The following LRRK2 variants were observed in gnomAD, a reference collection of about 807,000 sequenced individuals.
LRRK2 encodes leucine rich repeat kinase 2.
LRRK2 carries 203 observed loss-of-function variants against 302.6 expected under a neutral mutation model. The observed-to-expected ratio is 0.67, with a 90% CI of 0.60 to 0.75. The LOEUF is 0.75. Ranked by LOEUF, LRRK2 falls within the 30% of genes least tolerant of loss-of-function variation. LRRK2 has a pLI of 0.00. For missense variants in LRRK2, 2,830 were observed against 2,951.0 expected (o/e 0.96, Z 0.95); for synonymous variants, 1,066 against 1,031.9 (o/e 1.03, Z -0.63).
chr12:40,338,242 C>T (rs1945933800), intron 40 of LRRK2, among the ~76,000 whole-genome samples: 1 of 152,076 alleles, frequency 6.6e-6, no homozygotes, highest in Non-Finnish European at 1.5e-5. Context: ...GAGCACAATC[C>T]TTCTGGATTG....
In LRRK2 at chr12:40,347,010, C is replaced by A. The variant is rs558077700; in HGVS notation, c.6280+87C>A. On this transcript the variant is annotated intron_variant, in intron 42 of 50. Transcript: ENST00000298910. ...TTTAATTGTAGTTGTATGCTTAATT[C>A]CTTAAACAGATGATCATTTTTTTTG... 14 of 1,043,996 alleles carry A rather than the reference C, an allele frequency of 1.3e-5. No individual in the cohort carries two copies. The South Asian group carries it at 1.9e-4, about 14-fold the overall frequency. The allele number at this position is 1,043,996 out of a possible 1,614,324, so 64.7% of individuals were successfully genotyped here. A position where few individuals can be genotyped will look rare whatever the true frequency, so the allele number is the denominator to read the frequency against.
At chr12:40,352,371 T>C (rs1946378377) in intron 44 of LRRK2, among the ~76,000 whole-genome samples, 1 of 151,980 alleles carries the variant, frequency 6.6e-6, no homozygotes, top group Non-Finnish European at 1.5e-5. Context: ...TGTTGGCAAA[T>C]ATAAGATAAG....
In LRRK2 at chr12:40,305,895, T is replaced by G. The variant is rs767484970; in HGVS notation, c.3888T>G (p.Asp1296Glu). Residue 1296 changes from aspartate (D) to glutamate (E), a missense_variant, in exon 28 of 51, where the codon GAT (aspartate) becomes GAG (glutamate). This residue lies in a region of LRRK2 where 2,121 missense variants were observed against 2,148.0 expected (regional missense o/e 0.99). Transcript: ENST00000298910. Reference sequence around the variant, plus strand: ...TGGGGAAATTAAGCAAAATATGGGATCTTCCTTTGGATGAACTGCATCTTA... The same window carrying G: ...TGGGGAAATTAAGCAAAATATGGGAGCTTCCTTTGGATGAACTGCATCTTA... ...NEMGKLSKIWDLPLDELHLNF... is the reference protein window; with the variant it reads ...NEMGKLSKIWELPLDELHLNF... 1.2e-6 allele frequency: 2 copies of G among 1,613,408 alleles called. No homozygotes were observed. Among genetic ancestry groups the G allele is most frequent in the East Asian group, 2.2e-5 (1 of 44,856 alleles).
At position 40,244,762 on chromosome 12, in the gene LRRK2, T is replaced by C. The variant is rs186959476; in HGVS notation, c.838+1081T>C. Among the ~76,000 whole-genome samples, 15 of 147,198 alleles carry C rather than the reference T, an allele frequency of 1.0e-4. No homozygotes were observed. The East Asian group carries it at 1.7e-3, about 16-fold the overall frequency. ...GTGGGGGGAGGGGGGAGGGATAGCATTGGGAGATATACCTAATGCTAGATG... is the reference window on the plus strand; with the variant it reads ...GTGGGGGGAGGGGGGAGGGATAGCACTGGGAGATATACCTAATGCTAGATG... On this transcript the variant is annotated intron_variant, in intron 7 of 50. Transcript: ENST00000298910.
chr12:40,251,061 G>A (rs1424917658), intron 8 of LRRK2, among the ~76,000 whole-genome samples, 171 bp from the exon 9 acceptor site: 3 of 150,634 alleles, frequency 2.0e-5, no homozygotes, highest in African/African-American at 7.3e-5. Flanking sequence ...TAGGATGGTA[G>A]CATTATGAGA....
At position 40,308,545 on chromosome 12, in the gene LRRK2, T is replaced by C. The variant is rs1045577244; in HGVS notation, c.4038T>C (p.Gly1346=). ...KLMIVGNTGS[G]KTTLLQQLMK... is the part of the protein sequence containing the mutation. ...TGATTGTGGGAAATACTGGGAGTGGTAAAACCACCTTATTGCAGCAATTAA... is the reference window on the plus strand; with the variant it reads ...TGATTGTGGGAAATACTGGGAGTGGCAAAACCACCTTATTGCAGCAATTAA... Residue 1346 remains glycine, a synonymous_variant, in exon 29 of 51, where the codon GGT becomes GGC. Coordinates refer to ENST00000298910, the MANE Select transcript of LRRK2 (RefSeq NM_198578.4). 3 of 1,614,024 alleles carry C rather than the reference T, an allele frequency of 1.9e-6. No individual in the cohort carries two copies. The highest frequency in any genetic ancestry group is 2.7e-5 in the African/African-American group (2 of 75,040).
intron 48 of LRRK2, 117 bp downstream of exon 48, chr12:40,363,671 A>G: frequency 1.7e-6 from 2 of 1,185,504 alleles, no homozygotes; most frequent in Non-Finnish European, 2.4e-6. Context: ...TTTAAAATGC[A>G]GAAAAAAATT....
rs1438574450 is a variant in LRRK2 at position 40,294,861 on chromosome 12, A to G, written c.2825A>G (p.His942Arg). Residue 942 changes from histidine (H) to arginine (R), a missense_variant, in exon 22 of 51, where the codon CAT (histidine) becomes CGT (arginine). His to Arg is a conservative substitution (Grantham distance 29). This residue lies in a region of LRRK2 where 2,121 missense variants were observed against 2,148.0 expected (regional missense o/e 0.99). Coordinates refer to ENST00000298910, the MANE Select transcript of LRRK2 (RefSeq NM_198578.4). Reference sequence around the variant, plus strand: ...TTTTAATAGGGGCCCATTTTTGATCATGAAGATTTACTGAAGCGAAAAAGA... The same window carrying G: ...TTTTAATAGGGGCCCATTTTTGATCGTGAAGATTTACTGAAGCGAAAAAGA... ...HSNSLGPIFD[H>R]EDLLKRKRKI... 1 of 1,545,590 alleles carries G rather than the reference A, an allele frequency of 6.5e-7. No homozygotes were observed. Among genetic ancestry groups the G allele is most frequent in the South Asian group, 1.1e-5 (1 of 87,362 alleles).
At chr12:40,266,922 G>A (rs965417462) in intron 14 of LRRK2, among the ~76,000 whole-genome samples, 3 of 149,308 alleles carry the variant, frequency 2.0e-5, no homozygotes, top group East Asian at 4.0e-4. Context: ...TCACTCATAA[G>A]TGGGAATTGA....
intron 33 of LRRK2, among the ~76,000 whole-genome samples, chr12:40,319,506 A>G (rs1945333232): frequency 1.3e-5 from 2 of 152,116 alleles, no homozygotes; most frequent in South Asian, 4.1e-4. Flanking sequence ...ATCAAAATGC[A>G]GTAGTTACTT....
rs1002672110 is a variant in LRRK2 at position 40,367,194 on chromosome 12, A to AT, written c.7462+119dup. ...ACATATGGTATAATCAGGAATTTTA[A>AT]TTGGTAGTTTATAGTGTAAAGAACT... On this transcript the variant is annotated intron_variant, in intron 50 of 50. Coordinates refer to ENST00000298910, the MANE Select transcript of LRRK2 (RefSeq NM_198578.4). 33 of 895,826 alleles carry AT rather than the reference A, an allele frequency of 3.7e-5. No individual in the cohort carries two copies. In the Admixed American group the frequency reaches 4.1e-4, roughly 11 times the overall value. 55.5% of individuals were successfully genotyped at this position (895,826 alleles called of 1,614,324 possible).
At position 40,359,296 on chromosome 12, in the gene LRRK2, G is replaced by A. The variant is rs1946634058; in HGVS notation, c.6880G>A (p.Gly2294Arg). The A allele has an allele frequency of 3.7e-6, 6 of 1,612,340 alleles. No homozygotes were observed. Among genetic ancestry groups the A allele is most frequent in the Non-Finnish European group, 5.1e-6 (6 of 1,179,266 alleles). Residue 2294 changes from glycine to arginine, a missense_variant, in exon 47 of 51, where the codon GGA becomes AGA. Around this residue, in one of 3 missense-constraint regions of LRRK2, gnomAD observed 456 missense variants for 456.3 expected, o/e 1.00. Coordinates refer to ENST00000298910, the MANE Select transcript of LRRK2 (RefSeq NM_198578.4). ...TGCTCCTTTGAAGATACTAAATATA[G>A]GAAATGTCAGTACTCCATTGATGTG... is the stretch of plus-strand genomic sequence containing the variant. ...GAAPLKILNI[G>R]NVSTPLMCLS...
rs1398412280 is a variant in LRRK2 at position 40,368,299 on chromosome 12, G to A, written c.*534G>A. The A allele has an allele frequency of 6.6e-6, 1 of 151,958 alleles. No individual in the cohort carries two copies. The highest frequency in any genetic ancestry group is 1.5e-5 in the Non-Finnish European group (1 of 67,786). The allele number at this position is 151,958 out of a possible 1,614,324, so 9.4% of individuals were successfully genotyped here. On this transcript the variant is annotated 3_prime_UTR_variant, in exon 51 of 51. Transcript: ENST00000298910. ...CACTAATAAAGTCCTTTGTTGGTAT[G>A]TGAATTCTCTTTGTTGCTGTTGCAA... is the stretch of plus-strand genomic sequence containing the variant.
intron 14 of LRRK2, among the ~76,000 whole-genome samples, chr12:40,270,022 A>G (rs753312477): frequency 1.3e-5 from 2 of 152,090 alleles, no homozygotes; most frequent in Non-Finnish European, 2.9e-5. Context: ...CAAGTACTTA[A>G]TGTCTTGGTT....
At chr12:40,283,452 G>A (rs947623425) in intron 18 of LRRK2, among the ~76,000 whole-genome samples, 1 of 152,172 alleles carries the variant, frequency 6.6e-6, no homozygotes, top group Admixed American at 6.5e-5. Context: ...TCCCCATTTA[G>A]TTATTCTATG....
At chr12:40,364,229 C>T (rs77554074) in intron 48 of LRRK2, among the ~76,000 whole-genome samples, 141 of 152,064 alleles carry the variant, frequency 9.3e-4, no homozygotes, top group Non-Finnish European at 1.7e-3. Flanking sequence ...TCAAAGTTTC[C>T]TGTCTTAGAT....
At chr12:40,283,750 T>C in intron 18 of LRRK2, 125 bp from the exon 19 acceptor site, 1 of 776,900 alleles carries the variant, frequency 1.3e-6, no homozygotes, top group East Asian at 2.7e-5. Context: ...AGTTTTGCCT[T>C]ATTTTATTTT....
chr12:40,362,045 A>G (rs576888599), intron 47 of LRRK2, among the ~76,000 whole-genome samples: 1 of 152,198 alleles, frequency 6.6e-6, no homozygotes, highest in East Asian at 1.9e-4. Context: ...TCTTTCTACT[A>G]TTAAAAACAT....
At chr12:40,315,842 TTTAA>T (rs970417713) in intron 33 of LRRK2, among the ~76,000 whole-genome samples, 2 of 151,992 alleles carry the variant, frequency 1.3e-5, no homozygotes, top group African/African-American at 2.4e-5. Flanking sequence ...TACCAATGAG[TTTAA>T]TTAGTTATAA....
Sources: allele counts gnomAD v4.1 joint callset (sites outside exome capture counted in the v4.1 genomes callset), GRCh38; gene constraint gnomAD v4.1.1; regional missense constraint gnomAD v4.1.1; transcripts MANE v1.5; gene names NCBI Gene and HGNC (gene_info 2026-07-23, HGNC 2026-07-21).